The following CD2AP variants were observed in gnomAD, a reference collection of about 807,000 sequenced individuals.
The protein encoded by CD2AP is CD2 associated protein.
A neutral mutation model predicts 85.1 loss-of-function variants in CD2AP; 46 were observed. The ratio of observed to expected loss-of-function variants is 0.54; its 90% CI spans 0.43 to 0.69. The LOEUF (loss-of-function observed/expected upper bound fraction) is 0.69. Ranked by LOEUF, CD2AP falls within the 30% of genes least tolerant of loss-of-function variation. CD2AP has a pLI of 0.00. For missense variants in CD2AP, 769 were observed against 729.5 expected (o/e 1.05, Z -0.62); for synonymous variants, 255 against 252.9 (o/e 1.01, Z -0.08).
chr6:47,607,955 A>G lies in CD2AP; in HGVS notation c.1559A>G (p.Lys520Arg), dbSNP rs771223661. 3.1e-6 allele frequency: 5 copies of G among 1,612,822 alleles called. No individual in the cohort carries two copies. The highest frequency in any genetic ancestry group is 3.4e-6 in the Non-Finnish European group (4 of 1,179,160). ...ACTCACAGCCCCGAAAAAATCTTGA[A>G]GTTACCAAAAGAAGAAGACAGTGCC... ...SPTHSPEKIL[K>R]LPKEEDSANL... Residue 520 changes from lysine to arginine, a missense_variant, in exon 15 of 18, where the codon AAG becomes AGG. Physicochemically the swap from Lys to Arg is conservative, Grantham distance 26. Transcript: ENST00000359314.
At chr6:47,567,141 G>T (rs1041874206) in intron 5 of CD2AP, among the ~76,000 whole-genome samples, 2 of 150,762 alleles carry the variant, frequency 1.3e-5, no homozygotes, top group Non-Finnish European at 3.0e-5. Context: ...GAAATTTGGT[G>T]GTTTTTCACT....
At position 47,496,959 on chromosome 6, in the gene CD2AP, C is replaced by G. The variant is rs996041430; in HGVS notation, c.5-6321C>G. ...ACTTTGTATGATAATGATATTCATC[C>G]CTTTACTCTTTCCTTTACGAACCTC... is the stretch of plus-strand genomic sequence containing the variant. On this transcript the variant is annotated intron_variant, in intron 1 of 17. Transcript: ENST00000359314. Among the ~76,000 whole-genome samples the G allele has an allele frequency of 2.6e-5, 4 of 152,032 alleles. No homozygotes were observed. In the East Asian group the frequency reaches 7.7e-4, roughly 29 times the overall value.
chr6:47,534,713 T>C (rs1486144159), intron 3 of CD2AP, among the ~76,000 whole-genome samples: 1 of 151,980 alleles, frequency 6.6e-6, no homozygotes, highest in African/African-American at 2.4e-5. Flanking sequence ...GTGTAAAATA[T>C]TAAACGTGTA....
At chr6:47,572,860 GA>G (rs1404918001) in intron 5 of CD2AP, among the ~76,000 whole-genome samples, 4 of 152,178 alleles carry the variant, frequency 2.6e-5, no homozygotes, top group African/African-American at 9.7e-5. Flanking sequence ...GCCTGGTACA[GA>G]ATTAGCTCTG....
intron 17 of CD2AP, among the ~76,000 whole-genome samples, chr6:47,616,082 CTTTTTTTTTTTTTTTT>C (rs562350159): frequency 1.6e-5 from 1 of 63,826 alleles, no homozygotes; most frequent in Non-Finnish European, 2.9e-5. Flanking sequence ...TGCGCCTGGC[CTTTTTTTTTTTTTTTT>C]TTTTTTTTTT....
chr6:47,544,927 A>T, intron 4 of CD2AP: 1 of 450,240 alleles, frequency 2.2e-6, no homozygotes, highest in East Asian at 3.8e-5. Context: ...AAATTAATGA[A>T]ATCTAAGTAG....
intron 14 of CD2AP, among the ~76,000 whole-genome samples, chr6:47,606,519 G>A (rs1204415025): frequency 6.6e-6 from 1 of 151,904 alleles, no homozygotes; most frequent in South Asian, 2.1e-4. Flanking sequence ...ACAGAGCACA[G>A]GGTCAAAGGG....
intron 2 of CD2AP, among the ~76,000 whole-genome samples, chr6:47,507,774 C>G (rs1766212742): frequency 6.6e-6 from 1 of 152,116 alleles, no homozygotes; most frequent in Admixed American, 6.5e-5. Flanking sequence ...AGAATACTTG[C>G]AAGTTGAAAT....
At chr6:47,567,374 G>A (rs1276366145) in intron 5 of CD2AP, among the ~76,000 whole-genome samples, 2 of 152,004 alleles carry the variant, frequency 1.3e-5, no homozygotes, top group Non-Finnish European at 2.9e-5. Context: ...AGTTAATTCA[G>A]CATTCATATA....
chr6:47,478,395 T>G (rs956758822), intron 1 of CD2AP, 147 bp downstream of exon 1: 3 of 942,540 alleles, frequency 3.2e-6, no homozygotes, highest in African/African-American at 3.3e-5. Context: ...CCGCCCCTTC[T>G]TGCCCTGCCT....
intron 5 of CD2AP, among the ~76,000 whole-genome samples, chr6:47,555,402 A>G (rs2114063783): frequency 6.6e-6 from 1 of 152,262 alleles, no homozygotes; most frequent in African/African-American, 2.4e-5. Flanking sequence ...AAATGTAGGG[A>G]TAAGAATATG....
At chr6:47,602,979 T>C (rs1054381731) in intron 13 of CD2AP, among the ~76,000 whole-genome samples, 1 of 152,098 alleles carries the variant, frequency 6.6e-6, no homozygotes. Context: ...GGAAACACAT[T>C]TGTTTTTCTT....
intron 4 of CD2AP, chr6:47,544,969 C>A: frequency 3.2e-6 from 1 of 311,970 alleles, no homozygotes; most frequent in Non-Finnish European, 5.9e-6. Context: ...TTCTTTGATT[C>A]TGAATTTACC....
intron 1 of CD2AP, among the ~76,000 whole-genome samples, chr6:47,499,358 G>T (rs1243157359): frequency 6.6e-6 from 1 of 152,002 alleles, no homozygotes; most frequent in Non-Finnish European, 1.5e-5. Context: ...ATACATACAT[G>T]TATACATATA....
At chr6:47,531,172 A>G (rs187038413) in intron 2 of CD2AP, among the ~76,000 whole-genome samples, 17 of 152,216 alleles carry the variant, frequency 1.1e-4, no homozygotes, top group African/African-American at 3.8e-4. Context: ...CTCATTTTCA[A>G]TTGCTATGCC....
At chr6:47,571,971 G>A (rs1293114511) in intron 5 of CD2AP, among the ~76,000 whole-genome samples, 1 of 152,128 alleles carries the variant, frequency 6.6e-6, no homozygotes, top group Non-Finnish European at 1.5e-5. Flanking sequence ...CCTTGTCACT[G>A]AAGATGTTTT....
In CD2AP at chr6:47,576,546, G is replaced by T; in HGVS notation, c.752G>T (p.Gly251Val). Residue 251 changes from glycine to valine, a missense_variant, in exon 7 of 18, where the codon GGA (glycine) becomes GTA (valine). Gly to Val is a moderately radical substitution (Grantham distance 109). Transcript: ENST00000359314. ...PEKPLILQSL[G>V]PKTQSVEITK... ...TAGCCCTTAATCCTACAGTCACTGG[G>T]ACCCAAAACTCAGAGTGTGGAGATA... 1.2e-6 allele frequency: 2 copies of T among 1,612,330 alleles called. No homozygotes were observed. The highest frequency in any genetic ancestry group is 1.7e-6 in the Non-Finnish European group (2 of 1,178,800).
intron 3 of CD2AP, among the ~76,000 whole-genome samples, chr6:47,535,025 G>A (rs1029167149): frequency 1.3e-5 from 2 of 151,994 alleles, no homozygotes; most frequent in Non-Finnish European, 2.9e-5. Flanking sequence ...TTGAACTCCC[G>A]GGCTCAAGTG....
In CD2AP at chr6:47,524,908, C is replaced by T. The variant is rs574832947; in HGVS notation, c.166-8694C>T. The stretch of plus-strand genomic sequence containing the variant: ...CGATTTTGATCTATTGACACTTAGA[C>T]GATACGTACTGATTTCATATTAAGG... On this transcript the variant is annotated intron_variant, in intron 2 of 17. Transcript: ENST00000359314. 1.1e-3 allele frequency among the ~76,000 whole-genome samples: 175 copies of T among 152,174 alleles called. 1 individual carries two copies. The highest frequency in any genetic ancestry group is 1.5e-3 in the Non-Finnish European group (101 of 67,986).
Sources: gnomAD v4.1 joint callset for allele counts (sites outside exome capture counted in the v4.1 genomes callset) on GRCh38, gnomAD v4.1.1 for gene constraint, MANE v1.5 for transcripts, NCBI Gene and HGNC (gene_info 2026-07-23, HGNC 2026-07-21) for gene names.